Variants in EDARADD observed in about 807,000 individuals in gnomAD.
EDARADD encodes EDAR associated via death domain, also known as ectodysplasin-A receptor-associated adapter protein.
EDARADD carries 20 observed loss-of-function variants against 25.6 expected under a neutral mutation model. That is an observed-to-expected ratio of 0.78 (90% CI 0.55 to 1.14). The LOEUF (loss-of-function observed/expected upper bound fraction) is 1.14. Among genes scored for constraint, EDARADD ranks in the 50% most tolerant of loss-of-function variants. The pLI is 0.00. For missense variants in EDARADD, 225 were observed against 270.1 expected, an observed-to-expected ratio of 0.83 and a Z score of 1.17; for synonymous variants, 86 against 94.4, an observed-to-expected ratio of 0.91 and a Z score of 0.52.
chr1:236,439,443 C>T (rs538529957), intron 4 of EDARADD, among the ~76,000 whole-genome samples: 64 of 152,356 alleles, frequency 4.2e-4, no homozygotes, highest in African/African-American at 1.5e-3. Context: ...TCCAAAGTGG[C>T]TGTACCATTT....
At chr1:236,429,270 G>A (rs1310423707) in intron 4 of EDARADD, among the ~76,000 whole-genome samples, 5 of 149,322 alleles carry the variant, frequency 3.3e-5, no homozygotes, top group Admixed American at 1.3e-4. Flanking sequence ...GCAGTGGTGC[G>A]ATCTCGGCTC....
rs1667477806 is a variant in EDARADD, at chr1:236,394,462, TAAAC to T, written c.20_23del (p.Lys7ArgfsTer17). 1 of 1,614,038 alleles carries T rather than the reference TAAAC, an allele frequency of 6.2e-7. No homozygotes were observed. Among genetic ancestry groups the T allele is most frequent in the Non-Finnish European group, 8.5e-7 (1 of 1,180,034 alleles). On this transcript the variant is annotated frameshift_variant, in exon 1 of 6. Coordinates refer to ENST00000334232, the MANE Select transcript of EDARADD (RefSeq NM_145861.4). LOFTEE classifies it high-confidence loss of function. ...ACATCGCCATGGGCCTCAGGACGAC[TAAAC>T]AGATGGGGAGAGGCACTAAAGCTCC...
chr1:236,440,188 G>A (rs1281371974), intron 4 of EDARADD, among the ~76,000 whole-genome samples: 2 of 152,046 alleles, frequency 1.3e-5, no homozygotes, highest in African/African-American at 4.8e-5. Flanking sequence ...TCCTATTTCT[G>A]GGTTCTGTAT....
At chr1:236,377,105 C>G (rs560002713) in intron 3 of EDARADD, among the ~76,000 whole-genome samples, 1 of 148,782 alleles carries the variant, frequency 6.7e-6, no homozygotes, top group East Asian at 1.9e-4. Context: ...CCATTACAGC[C>G]CTTAACATAT....
intron 5 of EDARADD, among the ~76,000 whole-genome samples, chr1:236,477,407 C>G (rs539883350): frequency 6.6e-6 from 1 of 152,026 alleles, no homozygotes; most frequent in Non-Finnish European, 1.5e-5. Context: ...CCCAGCTACT[C>G]GGGAGGCTCA....
intron 5 of EDARADD, among the ~76,000 whole-genome samples, chr1:236,474,642 C>T (rs1571957874): frequency 1.3e-5 from 2 of 152,208 alleles, no homozygotes; most frequent in East Asian, 3.8e-4. Flanking sequence ...ATATCAGCTA[C>T]ATTCTTTCTC....
Position 236,447,138 on chromosome 1 carries a change from TTTCC to T in EDARADD, c.219+19702_219+19705del, listed in dbSNP as rs1350005177. 1.5e-3 allele frequency among the ~76,000 whole-genome samples: 195 copies of T among 127,886 alleles called. 1 individual carries two copies. Among genetic ancestry groups the T allele is most frequent in the South Asian group, 5.5e-3 (20 of 3,626 alleles). 83.9% of individuals were successfully genotyped at this position (127,886 alleles called of 152,430 possible). The stretch of plus-strand genomic sequence containing the variant: ...TCCTTCCTTCCTCTCTCTCTCTCTC[TTTCC>T]TTCCTTCCTTCCTCCCTCCCTCCCT... On this transcript the variant is annotated intron_variant, in intron 4 of 5. Coordinates refer to ENST00000334232, the MANE Select transcript of EDARADD (RefSeq NM_145861.4).
chr1:236,395,637 C>T lies in EDARADD; in HGVS notation c.61+1132C>T. The T allele has an allele frequency of 1.3e-6, 2 of 1,575,586 alleles. No individual in the cohort carries two copies. The highest frequency in any genetic ancestry group is 2.3e-5 in the South Asian group (2 of 86,312). On this transcript the variant is annotated intron_variant, in intron 1 of 5. Coordinates refer to ENST00000334232, the MANE Select transcript of EDARADD (RefSeq NM_145861.4). This position sits in a 1 kb window ranked among gnomAD's most constrained non-coding sequence, Gnocchi z 6.9. ...TGCCCCTAACCCGCCGCCATGGCTT[C>T]ACCGGACGACCCTCTGCGCGCAGGT... is the stretch of plus-strand genomic sequence containing the variant.
intron 3 of EDARADD, among the ~76,000 whole-genome samples, chr1:236,363,034 A>ATATATATAT (rs1553262251): frequency 1.2e-5 from 1 of 84,362 alleles, no homozygotes; most frequent in Admixed American, 1.3e-4. Context: ...TATATATATA[A>ATATATATAT]AATTTGTGTA....
chr1:236,450,829 G>A (rs561814822), intron 4 of EDARADD, among the ~76,000 whole-genome samples: 5 of 152,232 alleles, frequency 3.3e-5, no homozygotes, highest in East Asian at 1.9e-4. Flanking sequence ...GATTACAGGC[G>A]TGAGTCACTG....
intron 1 of EDARADD, among the ~76,000 whole-genome samples, chr1:236,399,041 G>T (rs1667568962): frequency 1.3e-5 from 2 of 152,090 alleles, no homozygotes; most frequent in African/African-American, 4.8e-5. Flanking sequence ...TCCCGTATTG[G>T]CATTTTAGGA....
At chr1:236,412,164 C>T (rs1321745061) in intron 2 of EDARADD, among the ~76,000 whole-genome samples, 1 of 152,154 alleles carries the variant, frequency 6.6e-6, no homozygotes, top group African/African-American at 2.4e-5. Context: ...CATGCCCTCT[C>T]ACCCTCCCAG....
At chr1:236,464,250 A>ATTTTTTTTT (rs34675825) in intron 4 of EDARADD, among the ~76,000 whole-genome samples, 1 of 142,392 alleles carries the variant, frequency 7.0e-6, no homozygotes. Flanking sequence ...TTCTGCAAGT[A>ATTTTTTTTT]TTATTTTTTT....
At chr1:236,429,352 G>A (rs1245699762) in intron 4 of EDARADD, among the ~76,000 whole-genome samples, 7 of 150,368 alleles carry the variant, frequency 4.7e-5, no homozygotes, top group African/African-American at 1.7e-4. Flanking sequence ...GATCACAGGT[G>A]CGCGCCACCA....
intron 3 of EDARADD, among the ~76,000 whole-genome samples, chr1:236,417,868 C>G (rs1023695131): frequency 6.6e-6 from 1 of 151,564 alleles, no homozygotes; most frequent in Admixed American, 6.6e-5. Flanking sequence ...TGTCCCTGCT[C>G]TTTTCTTTGA....
In EDARADD at chr1:236,483,893, C is replaced by T; in HGVS notation, c.*1244C>T. The T allele has an allele frequency of 7.3e-7, 1 of 1,377,854 alleles. No individual in the cohort carries two copies. Among genetic ancestry groups the T allele is most frequent in the Non-Finnish European group, 1.0e-6 (1 of 967,238 alleles). 85.4% of individuals were successfully genotyped at this position (1,377,854 alleles called of 1,614,324 possible). ...GCTACACTGATAAGGTGATCGTCAG[C>T]ATGGACGTAGAGGCCTCCGAGTTCT... is the stretch of plus-strand genomic sequence containing the variant. On this transcript the variant is annotated 3_prime_UTR_variant, in exon 6 of 6. Transcript: ENST00000334232.
At chr1:236,413,197 C>T (rs1300532495) in intron 2 of EDARADD, among the ~76,000 whole-genome samples, 1 of 152,214 alleles carries the variant, frequency 6.6e-6, no homozygotes, top group Non-Finnish European at 1.5e-5. Flanking sequence ...TGTTCTAGTA[C>T]AGGTTTGTGT....
At chr1:236,352,749 G>C (rs974013633) in intron 3 of EDARADD, among the ~76,000 whole-genome samples, 1 of 152,196 alleles carries the variant, frequency 6.6e-6, no homozygotes, top group Non-Finnish European at 1.5e-5. Flanking sequence ...AGGGGAGGCT[G>C]AGGCAGGAGA....
chr1:236,380,618 TAA>T (rs1181735178), intron 3 of EDARADD, among the ~76,000 whole-genome samples: 1 of 152,246 alleles, frequency 6.6e-6, no homozygotes, highest in African/African-American at 2.4e-5. Context: ...CAGACAAAGC[TAA>T]AGTCCCCTTT....
Sources: gnomAD v4.1 joint callset for allele counts (sites outside exome capture counted in the v4.1 genomes callset) on GRCh38, gnomAD v4.1.1 for gene constraint, Gnocchi (gnomAD v3.1) non-coding constraint, MANE v1.5 for transcripts, NCBI Gene and HGNC (gene_info 2026-07-23, HGNC 2026-07-21) for gene names.